Variants in SNUPN observed in about 807,000 individuals in gnomAD.
SNUPN encodes the protein snurportin-1.
A neutral mutation model predicts 39.2 loss-of-function variants in SNUPN; 31 were observed. The observed-to-expected ratio is 0.79, with a 90% CI of 0.59 to 1.07. SNUPN has a LOEUF of 1.07. SNUPN is among the 50% of genes least tolerant of loss of function. SNUPN has a pLI of 0.00. For synonymous variants in SNUPN, 132 were observed against 159.0 expected (o/e 0.83, Z 1.28); for missense variants, 382 against 434.2 (o/e 0.88, Z 1.07).
chr15:75,598,787 G>T, intron 8 of SNUPN, 106 bp from the exon 9 acceptor site: 1 of 808,916 alleles, frequency 1.2e-6, no homozygotes. Context: ...TCCTTTTTCT[G>T]GGTCACTGAC....
At chr15:75,609,516 C>G in intron 5 of SNUPN, 42 bp downstream of exon 5, 1 of 1,530,200 alleles carries the variant, frequency 6.5e-7, no homozygotes, top group Non-Finnish European at 9.1e-7. Flanking sequence ...GCAAATTACA[C>G]TGTCTTTTAC....
At chr15:75,623,166 CAG>C (rs1187670234) in intron 1 of SNUPN, among the ~76,000 whole-genome samples, 4 of 150,766 alleles carry the variant, frequency 2.7e-5, no homozygotes, top group South Asian at 4.2e-4. Flanking sequence ...TTTTTTGAGA[CAG>C]AGTTTCACTC....
At chr15:75,601,300 C>G in intron 7 of SNUPN, 82 bp from the exon 8 acceptor site, 1 of 970,532 alleles carries the variant, frequency 1.0e-6, no homozygotes, top group South Asian at 1.3e-5. Flanking sequence ...TCAGGCCAGG[C>G]ATAGTGGCTC....
chr15:75,609,422 C>G lies in SNUPN; in HGVS notation c.502+136G>C. ...GCCAGGATGGTCTCGATCTCCTGAC[C>G]TCATGATCCACCCGCCTCGGCCTCC... On this transcript the variant is annotated intron_variant, in intron 5 of 8. Coordinates refer to ENST00000308588, the MANE Select transcript of SNUPN (RefSeq NM_005701.4). The G allele has an allele frequency of 7.4e-6, 5 of 673,018 alleles. 1 individual carries two copies. The South Asian group carries it at 7.9e-5, about 11-fold the overall frequency. The allele number at this position is 673,018 out of a possible 1,614,324, so 41.7% of individuals were successfully genotyped here. A position where few individuals can be genotyped will look rare whatever the true frequency, so the allele number is the denominator to read the frequency against.
intron 7 of SNUPN, among the ~76,000 whole-genome samples, chr15:75,603,620 C>A (rs1014343549): frequency 2.7e-5 from 4 of 146,214 alleles, no homozygotes; most frequent in African/African-American, 1.0e-4. Flanking sequence ...GAGATCACGC[C>A]ACTGCACTCC....
intron 1 of SNUPN, among the ~76,000 whole-genome samples, chr15:75,624,501 A>G (rs1949355775): frequency 6.8e-6 from 1 of 148,102 alleles, no homozygotes; most frequent in African/African-American, 2.4e-5. Context: ...TCTACTAAAA[A>G]AAAAAAAAAA....
At chr15:75,603,660 C>T (rs1260838970) in intron 7 of SNUPN, among the ~76,000 whole-genome samples, 2 of 44,172 alleles carry the variant, frequency 4.5e-5, no homozygotes, top group Non-Finnish European at 9.4e-5. Context: ...GACTCTGTCT[C>T]AAAAAAAAAA....
At chr15:75,624,765 T>C (rs1211401119) in intron 1 of SNUPN, 10 of 1,283,282 alleles carry the variant, frequency 7.8e-6, no homozygotes, top group East Asian at 5.6e-5. Context: ...TTTTGTTTTT[T>C]CTTTGTTGTT....
intron 3 of SNUPN, among the ~76,000 whole-genome samples, chr15:75,614,838 T>A (rs987787649): frequency 2.6e-5 from 4 of 152,230 alleles, no homozygotes. Context: ...TTCCAGACTC[T>A]GGGCTAGGTA....
intron 1 of SNUPN, among the ~76,000 whole-genome samples, chr15:75,621,842 C>T (rs911215570): frequency 6.7e-6 from 1 of 148,466 alleles, no homozygotes; most frequent in African/African-American, 2.5e-5. Flanking sequence ...TCGAAACCAG[C>T]CTGACCAACA....
chr15:75,623,925 A>ATT lies in SNUPN; in HGVS notation c.-6+1739_-6+1740dup, dbSNP rs144317163. Among the ~76,000 whole-genome samples the ATT allele has an allele frequency of 9.7e-3, 1,144 of 118,388 alleles. 17 individuals are homozygous for ATT. The highest frequency in any genetic ancestry group is 0.026 in the African/African-American group (756 of 28,576). 77.7% of individuals were successfully genotyped at this position (118,388 alleles called of 152,430 possible). ...TAAGTTTGAAAGCTTTCATGATAAA[A>ATT]TTTTTTTTTTTTTTTTTTTTGAGAC... is the stretch of plus-strand genomic sequence containing the variant. On this transcript the variant is annotated intron_variant, in intron 1 of 8. Coordinates refer to ENST00000308588, the MANE Select transcript of SNUPN (RefSeq NM_005701.4).
At chr15:75,624,779 G>GTT (rs772102949) in intron 1 of SNUPN, 108 of 1,156,510 alleles carry the variant, frequency 9.3e-5, no homozygotes, top group East Asian at 1.9e-4. Context: ...TGTTGTTGTT[G>GTT]TTTTTTTTTT....
In SNUPN at chr15:75,624,659, CAAAA is replaced by C. The variant is rs942011940; in HGVS notation, c.-6+1003_-6+1006del. 35 of 1,130,362 alleles carry C rather than the reference CAAAA, an allele frequency of 3.1e-5. No individual in the cohort carries two copies. The Admixed American group carries it at 1.3e-3, about 42-fold the overall frequency. The allele number at this position is 1,130,362 out of a possible 1,614,324, so 70.0% of individuals were successfully genotyped here. On this transcript the variant is annotated intron_variant, in intron 1 of 8. Coordinates refer to ENST00000308588, the MANE Select transcript of SNUPN (RefSeq NM_005701.4). Reference sequence around the variant, plus strand: ...CTGCACTCCAGCCTGGACTTCGTCTCAAAAAGAAAAAAAAAAGAAAAACTGATGT... The same window carrying C: ...CTGCACTCCAGCCTGGACTTCGTCTCAGAAAAAAAAAAGAAAAACTGATGT...
chr15:75,604,537 C>T (rs1485435861), intron 7 of SNUPN, among the ~76,000 whole-genome samples: 2 of 152,160 alleles, frequency 1.3e-5, no homozygotes, highest in African/African-American at 4.8e-5. Flanking sequence ...CTGAAAATAG[C>T]TGTCACATAT....
chr15:75,608,151 C>T (rs946398189), intron 5 of SNUPN, among the ~76,000 whole-genome samples: 3 of 152,058 alleles, frequency 2.0e-5, no homozygotes. Context: ...GAGGCCAAGG[C>T]AGGCAGATGG....
At chr15:75,603,402 C>G (rs1312223857) in intron 7 of SNUPN, among the ~76,000 whole-genome samples, 2 of 150,186 alleles carry the variant, frequency 1.3e-5, no homozygotes, top group African/African-American at 4.9e-5. Flanking sequence ...TGGATCACGC[C>G]TGTAATCCCA....
intron 1 of SNUPN, 101 bp downstream of exon 1, chr15:75,625,565 C>G (rs1893205377): frequency 6.6e-6 from 1 of 152,274 alleles, no homozygotes; most frequent in Admixed American, 6.6e-5. Context: ...AGATGACGTC[C>G]CAGGAGGCCA....
At chr15:75,620,383 T>C (rs1359033877) in intron 2 of SNUPN, among the ~76,000 whole-genome samples, 1 of 152,176 alleles carries the variant, frequency 6.6e-6, no homozygotes, top group African/African-American at 2.4e-5. Context: ...CTTTCCCTGT[T>C]TGCACATCTT....
chr15:75,598,785 C>A, intron 8 of SNUPN, 104 bp from the exon 9 acceptor site: 3 of 804,846 alleles, frequency 3.7e-6, no homozygotes, highest in Non-Finnish European at 5.8e-6. Context: ...ACTCCTTTTT[C>A]TGGGTCACTG....
Sources: gnomAD v4.1 joint callset for allele counts (sites outside exome capture counted in the v4.1 genomes callset) on GRCh38, gnomAD v4.1.1 for gene constraint, MANE v1.5 for transcripts, NCBI Gene and HGNC (gene_info 2026-07-23, HGNC 2026-07-21) for gene names.